The following CNTNAP2 variants were observed in gnomAD, a reference collection of about 807,000 sequenced individuals.
CNTNAP2 encodes contactin associated protein 2.
In CNTNAP2, 98 loss-of-function variants were observed where a neutral mutation model predicts 155.2. The observed-to-expected ratio is 0.63, with a 90% CI of 0.54 to 0.75. The LOEUF is 0.75. Among genes scored for constraint, CNTNAP2 ranks in the 30% least tolerant of loss-of-function variants. The pLI, the probability that CNTNAP2 is intolerant of heterozygous loss-of-function variation, is 0.00. For synonymous variants in CNTNAP2, 651 were observed against 631.2 expected (o/e 1.03, Z -0.47); for missense variants, 1,727 against 1,688.1 (o/e 1.02, Z -0.40).
At chr7:146,119,213 C>G (rs1252539107) in intron 1 of CNTNAP2, among the ~76,000 whole-genome samples, 2 of 152,026 alleles carry the variant, frequency 1.3e-5, no homozygotes, top group African/African-American at 4.8e-5. Flanking sequence ...AAATCTAAAA[C>G]TATCATTTTT....
chr7:148,371,244 C>T (rs1798882068), intron 21 of CNTNAP2, among the ~76,000 whole-genome samples: 1 of 152,076 alleles, frequency 6.6e-6, no homozygotes, highest in Non-Finnish European at 1.5e-5. Context: ...CCCCATTGTC[C>T]CAACAAAGGA....
intron 3 of CNTNAP2, among the ~76,000 whole-genome samples, chr7:146,919,628 T>C (rs1207127054): frequency 2.0e-5 from 3 of 152,186 alleles, no homozygotes; most frequent in Non-Finnish European, 2.9e-5. Context: ...TCCTTGGTTG[T>C]ATTTTTGTTA....
At chr7:147,261,688 TAAA>T (rs1302931417) in intron 8 of CNTNAP2, among the ~76,000 whole-genome samples, 1 of 151,978 alleles carries the variant, frequency 6.6e-6, no homozygotes, top group Non-Finnish European at 1.5e-5. Context: ...GGGAAAAAAA[TAAA>T]AAATCCATGA....
intron 15 of CNTNAP2, among the ~76,000 whole-genome samples, chr7:148,109,348 G>A (rs537382660): frequency 6.6e-6 from 1 of 150,576 alleles, no homozygotes; most frequent in East Asian, 2.0e-4. Context: ...GGAAAGAAGA[G>A]AGGTGTTTTG....
At chr7:147,015,425 C>T (rs1031148171) in intron 3 of CNTNAP2, among the ~76,000 whole-genome samples, 2 of 152,154 alleles carry the variant, frequency 1.3e-5, no homozygotes, top group East Asian at 1.9e-4. Flanking sequence ...ATGCTGGCAT[C>T]ATCCAAAAAA....
intron 1 of CNTNAP2, among the ~76,000 whole-genome samples, chr7:146,637,624 T>A (rs1585018330): frequency 6.6e-6 from 1 of 152,314 alleles, no homozygotes; most frequent in Admixed American, 6.5e-5. Context: ...TTTGATTTGA[T>A]CCTTTCTAAT....
chr7:146,370,669 A>C (rs138955374), intron 1 of CNTNAP2, among the ~76,000 whole-genome samples: 2 of 152,214 alleles, frequency 1.3e-5, no homozygotes, highest in South Asian at 2.1e-4. Context: ...TTGAATACTA[A>C]ATTTTTATGT....
chr7:147,724,923 T>C (rs1205959500), intron 13 of CNTNAP2, among the ~76,000 whole-genome samples: 1 of 152,004 alleles, frequency 6.6e-6, no homozygotes, highest in East Asian at 1.9e-4. Flanking sequence ...AAGTGCTTTT[T>C]ACACTAAGTT....
intron 17 of CNTNAP2, among the ~76,000 whole-genome samples, chr7:148,171,409 A>C (rs1406777284): frequency 6.6e-6 from 1 of 152,196 alleles, no homozygotes; most frequent in Non-Finnish European, 1.5e-5. Flanking sequence ...TCGTCCTTTT[A>C]TACCAGCTGC....
intron 3 of CNTNAP2, among the ~76,000 whole-genome samples, chr7:146,994,627 A>T (rs1243796256): frequency 6.6e-6 from 1 of 152,124 alleles, no homozygotes; most frequent in African/African-American, 2.4e-5. Context: ...GTTTTCCTCT[A>T]TCCCAAGAAT....
intron 1 of CNTNAP2, among the ~76,000 whole-genome samples, chr7:146,703,122 G>A (rs1166993878): frequency 6.6e-6 from 1 of 152,174 alleles, no homozygotes; most frequent in Non-Finnish European, 1.5e-5. Context: ...ATCTATGCTT[G>A]TAAGGTATTC....
At chr7:146,523,945 T>C (rs1408173118) in intron 1 of CNTNAP2, among the ~76,000 whole-genome samples, 1 of 152,150 alleles carries the variant, frequency 6.6e-6, no homozygotes, top group Non-Finnish European at 1.5e-5. Context: ...TGTGCCTTTA[T>C]TCAAGTTGCT....
At chr7:146,971,862 A>G (rs1164672784) in intron 3 of CNTNAP2, among the ~76,000 whole-genome samples, 1 of 152,190 alleles carries the variant, frequency 6.6e-6, no homozygotes, top group African/African-American at 2.4e-5. Context: ...TTGCATTCAG[A>G]CCATAATAAA....
chr7:146,527,818 A>T (rs1434044717), intron 1 of CNTNAP2, among the ~76,000 whole-genome samples: 1 of 152,134 alleles, frequency 6.6e-6, no homozygotes, highest in East Asian at 1.9e-4. Context: ...AATGTTATCA[A>T]ATCATTTAAA....
chr7:147,433,701 C>CA (rs1021888201), intron 10 of CNTNAP2, among the ~76,000 whole-genome samples: 67 of 152,070 alleles, frequency 4.4e-4, no homozygotes, highest in Non-Finnish European at 1.8e-4. Context: ...CTACGAACTA[C>CA]AAAAAAATGA....
intron 1 of CNTNAP2, among the ~76,000 whole-genome samples, chr7:146,131,802 G>A (rs931970148): frequency 4.6e-5 from 7 of 152,004 alleles, no homozygotes; most frequent in Admixed American, 1.3e-4. Context: ...TAATTTCCAC[G>A]TGTCGAGGGA....
intron 13 of CNTNAP2, among the ~76,000 whole-genome samples, chr7:147,678,776 G>A (rs1795905964): frequency 6.6e-6 from 1 of 151,858 alleles, no homozygotes; most frequent in African/African-American, 2.4e-5. Flanking sequence ...AATTTAAAGA[G>A]CAATTAAAAA....
At chr7:146,855,823 A>G (rs535807943) in intron 3 of CNTNAP2, among the ~76,000 whole-genome samples, 1,043 of 48,440 alleles carry the variant, frequency 0.022, 9 homozygotes, top group Admixed American at 0.041. Context: ...ATATATATAT[A>G]TATATATATA....
At chr7:146,122,651 C>CG in intron 1 of CNTNAP2, among the ~76,000 whole-genome samples, 1 of 82,712 alleles carries the variant, frequency 1.2e-5, no homozygotes, top group African/African-American at 5.4e-5. Context: ...TCCAAACTCT[C>CG]CCATTCATTC....
Sources: gnomAD v4.1 joint callset for allele counts (sites outside exome capture counted in the v4.1 genomes callset) on GRCh38, gnomAD v4.1.1 for gene constraint, MANE v1.5 for transcripts, NCBI Gene and HGNC (gene_info 2026-07-23, HGNC 2026-07-21) for gene names.